Variants in SYNJ2 observed in about 807,000 individuals in gnomAD.
SYNJ2 encodes the protein synaptojanin 2, also known as polyphosphatidylinositol phosphatase SYNJ2.
Under a neutral mutation model 141.3 loss-of-function variants are expected in SYNJ2, and 116 were observed. That is an observed-to-expected ratio of 0.82 (90% confidence interval 0.71 to 0.96). The LOEUF (loss-of-function observed/expected upper bound fraction) is 0.96, where lower values mean the gene tolerates loss of function less well. Among genes scored for constraint, SYNJ2 ranks in the 40% least tolerant of loss-of-function variants. The probability of loss-of-function intolerance (pLI) is 0.00; values close to 1 mark genes in which losing one functional copy is unlikely to be tolerated. For missense variants in SYNJ2, 1,873 were observed against 1,934.8 expected, an observed-to-expected ratio of 0.97 and a Z score of 0.60; for synonymous variants, 745 against 777.7, an observed-to-expected ratio of 0.96 and a Z score of 0.70.
intron 2 of SYNJ2, among the ~76,000 whole-genome samples, chr6:158,023,426 C>T (rs776137079): frequency 6.6e-5 from 10 of 152,062 alleles, no homozygotes; most frequent in South Asian, 4.1e-4. Context: ...GGGGCCTTCC[C>T]GGAGAGGCAG....
At chr6:158,090,692 G>A (rs373209412) in intron 25 of SYNJ2, among the ~76,000 whole-genome samples, 13 of 151,582 alleles carry the variant, frequency 8.6e-5, no homozygotes, top group Non-Finnish European at 1.9e-4. Context: ...CTACAGGCGC[G>A]CAGCCCCATG....
intron 16 of SYNJ2, 55 bp downstream of exon 16, chr6:158,074,793 C>T (rs1782162712): frequency 1.3e-6 from 2 of 1,592,494 alleles, no homozygotes; most frequent in Non-Finnish European, 1.7e-6. Flanking sequence ...GGAATGACAT[C>T]TGTGAGATGT....
intron 1 of SYNJ2, among the ~76,000 whole-genome samples, chr6:158,008,164 G>C (rs761052660): frequency 6.6e-6 from 1 of 151,998 alleles, no homozygotes; most frequent in Non-Finnish European, 1.5e-5. Flanking sequence ...AGCAACATGG[G>C]GTTTCACCAT....
chr6:158,033,278 A>G (rs755262164), intron 3 of SYNJ2, among the ~76,000 whole-genome samples, 177 bp from the exon 4 acceptor site: 1 of 152,236 alleles, frequency 6.6e-6, no homozygotes, highest in Non-Finnish European at 1.5e-5. Flanking sequence ...TTTGAAGCAC[A>G]TGAACTTCCC....
At chr6:158,086,777 C>G in intron 22 of SYNJ2, 78 bp from the exon 23 acceptor site, 2 of 1,502,694 alleles carry the variant, frequency 1.3e-6, no homozygotes, top group Non-Finnish European at 1.8e-6. Flanking sequence ...CACAGTCGGC[C>G]TCCTGTGCTC....
intron 1 of SYNJ2, among the ~76,000 whole-genome samples, chr6:157,998,146 G>A (rs972295289): frequency 2.7e-4 from 41 of 152,234 alleles, no homozygotes; most frequent in African/African-American, 8.2e-4. Flanking sequence ...CCAGGGGAGC[G>A]AGGGGTCTTC....
intron 8 of SYNJ2, among the ~76,000 whole-genome samples, 193 bp from the exon 9 acceptor site, chr6:158,063,598 G>A (rs1418815420): frequency 2.1e-5 from 3 of 142,962 alleles, no homozygotes; most frequent in East Asian, 4.1e-4. Flanking sequence ...GGCGGAGGTT[G>A]CAGTGAGCCG....
intron 1 of SYNJ2, among the ~76,000 whole-genome samples, chr6:157,986,183 G>T (rs1583275251): frequency 6.6e-6 from 1 of 152,218 alleles, no homozygotes; most frequent in African/African-American, 2.4e-5. Flanking sequence ...GACCAGGCAA[G>T]GGTTCCGGGG....
intron 1 of SYNJ2, among the ~76,000 whole-genome samples, chr6:157,983,111 T>A (rs1021173310): frequency 1.3e-5 from 2 of 152,246 alleles, no homozygotes; most frequent in East Asian, 1.9e-4. Flanking sequence ...GGTCGGCAAA[T>A]GCAGCAGGCT....
intron 1 of SYNJ2, among the ~76,000 whole-genome samples, chr6:157,987,265 G>C (rs1487403547): frequency 6.6e-6 from 1 of 150,968 alleles, no homozygotes; most frequent in Non-Finnish European, 1.5e-5. Context: ...GGGATTATAG[G>C]CGTGAGCCAC....
At chr6:158,044,133 C>A (rs924592681) in intron 5 of SYNJ2, among the ~76,000 whole-genome samples, 3 of 152,228 alleles carry the variant, frequency 2.0e-5, no homozygotes, top group Non-Finnish European at 4.4e-5. Context: ...GCCTCTCGGC[C>A]AGGGCCTTTG....
intron 2 of SYNJ2, among the ~76,000 whole-genome samples, chr6:158,024,758 A>G (rs1778950028): frequency 6.6e-6 from 1 of 152,110 alleles, no homozygotes; most frequent in East Asian, 1.9e-4. Context: ...TGGAATTCTG[A>G]AGAGGGGGGA....
rs1721050629 is a variant in SYNJ2 at position 158,038,652 on chromosome 6, CTG to C, written c.712-4663_712-4662del. On this transcript the variant is annotated intron_variant, in intron 4 of 26. Coordinates refer to ENST00000355585, the MANE Select transcript of SYNJ2 (RefSeq NM_003898.4). ...CACGTGGGCCTTCAGCAAAGCCTGACTGAGCCTGCCAGGTCCCAGGCTCTGCT... is the reference window on the plus strand; with the variant it reads ...CACGTGGGCCTTCAGCAAAGCCTGACAGCCTGCCAGGTCCCAGGCTCTGCT... Among the ~76,000 whole-genome samples, 3 of 152,364 alleles carry C rather than the reference CTG, an allele frequency of 2.0e-5. No individual in the cohort carries two copies. In the South Asian group the frequency reaches 6.2e-4, roughly 32 times the overall value.
chr6:158,067,776 A>G, intron 12 of SYNJ2: 1 of 983,206 alleles, frequency 1.0e-6, no homozygotes, highest in Non-Finnish European at 1.2e-6. Flanking sequence ...GGCAGAGTCC[A>G]CCATTCAGAG....
In SYNJ2 at chr6:158,084,891, A is replaced by G. The variant is rs1201593259; in HGVS notation, c.3208+717A>G. On this transcript the variant is annotated intron_variant, in intron 22 of 26. Coordinates refer to ENST00000355585, the MANE Select transcript of SYNJ2 (RefSeq NM_003898.4). The surrounding 1 kb of genome is among the most constrained non-coding windows in gnomAD (Gnocchi z 5.0). ...TATCTATGTCCTGAGTTGCTGGCGTATGGTCACACTCATATAATATCATAT... is the reference window on the plus strand; with the variant it reads ...TATCTATGTCCTGAGTTGCTGGCGTGTGGTCACACTCATATAATATCATAT... Among the ~76,000 whole-genome samples the G allele has an allele frequency of 6.6e-6, 1 of 151,956 alleles. No homozygotes were observed. The highest frequency in any genetic ancestry group is 2.4e-5 in the African/African-American group (1 of 41,346).
intron 1 of SYNJ2, chr6:158,016,972 G>T (rs1778485626): frequency 8.2e-7 from 1 of 1,219,212 alleles, no homozygotes; most frequent in Non-Finnish European, 1.0e-6. Flanking sequence ...CAGCCCCCAG[G>T]AAGCTGTCAG....
At chr6:158,055,578 G>T (rs1480372022) in intron 6 of SYNJ2, among the ~76,000 whole-genome samples, 1 of 151,252 alleles carries the variant, frequency 6.6e-6, no homozygotes, top group Admixed American at 6.6e-5. Flanking sequence ...TTACTGTTTT[G>T]CAGCTTGCTT....
At chr6:158,089,050 C>G (rs1783264271) in intron 24 of SYNJ2, among the ~76,000 whole-genome samples, 1 of 152,048 alleles carries the variant, frequency 6.6e-6, no homozygotes. Flanking sequence ...TGCCTCTGAC[C>G]TTGGTGTATG....
intron 1 of SYNJ2, among the ~76,000 whole-genome samples, chr6:158,016,255 A>G (rs1480265834): frequency 3.3e-5 from 5 of 152,172 alleles, no homozygotes; most frequent in Non-Finnish European, 7.3e-5. Flanking sequence ...CTGGGATTAC[A>G]GGCGTGTGCC....
Sources: allele counts gnomAD v4.1 joint callset (sites outside exome capture counted in the v4.1 genomes callset), GRCh38; gene constraint gnomAD v4.1.1; non-coding constraint Gnocchi (gnomAD v3.1); transcripts MANE v1.5; gene names NCBI Gene and HGNC (gene_info 2026-07-23, HGNC 2026-07-21).